Variants in GABRG3 observed in about 807,000 individuals in gnomAD.
GABRG3 encodes the protein gamma-aminobutyric acid receptor subunit gamma-3.
Under a neutral mutation model 48.8 loss-of-function variants are expected in GABRG3, and 25 were observed. That is an observed-to-expected ratio of 0.51 (90% CI 0.37 to 0.72). The LOEUF is 0.72. Among genes scored for constraint, GABRG3 ranks in the 30% least tolerant of loss-of-function variants. The probability of loss-of-function intolerance (pLI) is 0.00; values close to 1 mark genes in which losing one functional copy is unlikely to be tolerated. For missense variants in GABRG3, 394 were observed against 577.9 expected (o/e 0.68, Z 3.26); for synonymous variants, 227 against 217.6 (o/e 1.04, Z -0.38).
At chr15:27,285,850 A>G (rs1891591905) in intron 3 of GABRG3, among the ~76,000 whole-genome samples, 1 of 152,144 alleles carries the variant, frequency 6.6e-6, no homozygotes, top group South Asian at 2.1e-4. Context: ...GCAGACCTCC[A>G]CCTTACTTCT....
intron 3 of GABRG3, among the ~76,000 whole-genome samples, chr15:27,183,109 A>T (rs539116534): frequency 1.3e-5 from 2 of 152,094 alleles, no homozygotes; most frequent in East Asian, 3.9e-4. Context: ...TTTACAGATG[A>T]CTTTTTTTTT....
intron 3 of GABRG3, among the ~76,000 whole-genome samples, chr15:27,114,256 TC>T (rs1271994991): frequency 6.6e-6 from 1 of 152,202 alleles, no homozygotes; most frequent in Non-Finnish European, 1.5e-5. Context: ...GCTTTCCAGA[TC>T]CCCTGGGGGT....
At chr15:27,037,411 C>G (rs1190862276) in intron 3 of GABRG3, among the ~76,000 whole-genome samples, 2 of 152,136 alleles carry the variant, frequency 1.3e-5, no homozygotes, top group African/African-American at 2.4e-5. Flanking sequence ...CTGAGAGGGT[C>G]GACTGGCTAA....
chr15:27,243,024 T>C (rs369170081), intron 3 of GABRG3, among the ~76,000 whole-genome samples: 1 of 152,190 alleles, frequency 6.6e-6, no homozygotes. Flanking sequence ...AAATCCAAGG[T>C]GGGGTGTATG....
At chr15:27,309,855 A>C (rs190868561) in intron 3 of GABRG3, among the ~76,000 whole-genome samples, 3 of 152,086 alleles carry the variant, frequency 2.0e-5, no homozygotes, top group Admixed American at 2.0e-4. Context: ...CCACATAAAA[A>C]CCTGTACATT....
chr15:27,192,315 A>G (rs1183396372), intron 3 of GABRG3, among the ~76,000 whole-genome samples: 3 of 152,166 alleles, frequency 2.0e-5, no homozygotes, highest in Non-Finnish European at 4.4e-5. Flanking sequence ...TATTCTGCAG[A>G]GTGTTTTCCA....
intron 3 of GABRG3, among the ~76,000 whole-genome samples, chr15:27,277,708 A>G (rs1164675536): frequency 6.6e-6 from 1 of 152,206 alleles, no homozygotes; most frequent in African/African-American, 2.4e-5. Flanking sequence ...AAAGATTACA[A>G]AAGACTTTGA....
chr15:27,362,992 T>A (rs756275250), intron 5 of GABRG3: 1 of 152,196 alleles, frequency 6.6e-6, no homozygotes, highest in Non-Finnish European at 1.5e-5. Context: ...TAAATTGATA[T>A]AAATTATAGA....
At chr15:27,084,355 C>G (rs1203146250) in intron 3 of GABRG3, among the ~76,000 whole-genome samples, 2 of 152,148 alleles carry the variant, frequency 1.3e-5, no homozygotes, top group Non-Finnish European at 2.9e-5. Flanking sequence ...AGACAAAATT[C>G]TTAGTGTGTG....
chr15:27,525,879 G>A (rs1891264580), intron 7 of GABRG3, among the ~76,000 whole-genome samples: 1 of 152,010 alleles, frequency 6.6e-6, no homozygotes. Context: ...TGGGTTGATA[G>A]GTGCAGCAAA....
intron 7 of GABRG3, among the ~76,000 whole-genome samples, chr15:27,522,748 A>G (rs186404422): frequency 7.8e-4 from 119 of 152,030 alleles, no homozygotes; most frequent in African/African-American, 2.5e-3. Flanking sequence ...GGTAAATTCA[A>G]CAGAAAGACA....
chr15:27,003,201 A>ATATTTATT (rs199745733), intron 2 of GABRG3, among the ~76,000 whole-genome samples: 18,612 of 138,956 alleles, frequency 0.13, 1,447 homozygotes, highest in Non-Finnish European at 0.18. Context: ...TTTTTATTTT[A>ATATTTATT]TATTTATTTA....
At chr15:27,426,069 G>A (rs1566835573) in intron 5 of GABRG3, among the ~76,000 whole-genome samples, 1 of 152,158 alleles carries the variant, frequency 6.6e-6, no homozygotes, top group Non-Finnish European at 1.5e-5. Context: ...CAAATACTCA[G>A]ATATACCTGA....
chr15:27,420,979 C>G (rs1888095725), intron 5 of GABRG3, among the ~76,000 whole-genome samples: 1 of 152,142 alleles, frequency 6.6e-6, no homozygotes, highest in African/African-American at 2.4e-5. Flanking sequence ...TTTTGTGCCA[C>G]TCGAATTTAA....
intron 6 of GABRG3, among the ~76,000 whole-genome samples, chr15:27,508,064 C>G (rs1004190038): frequency 3.9e-5 from 6 of 152,118 alleles, no homozygotes; most frequent in African/African-American, 1.4e-4. Context: ...CTTAAAGTGG[C>G]TTTTATGCAG....
intron 5 of GABRG3, among the ~76,000 whole-genome samples, chr15:27,348,792 A>G (rs36168201): frequency 0.35 from 53,947 of 152,164 alleles, 11,562 homozygotes; most frequent in African/African-American, 0.59. Flanking sequence ...TGGACACACA[A>G]GAATAGTGGC....
chr15:27,146,602 G>T (rs1434252039), intron 3 of GABRG3, among the ~76,000 whole-genome samples: 1 of 152,038 alleles, frequency 6.6e-6, no homozygotes, highest in African/African-American at 2.4e-5. Flanking sequence ...ATTCTCTGTT[G>T]ATGGACATCA....
At chr15:27,123,719 C>G (rs1897770739) in intron 3 of GABRG3, among the ~76,000 whole-genome samples, 1 of 152,110 alleles carries the variant, frequency 6.6e-6, no homozygotes. Context: ...AAAATGACTC[C>G]CATTCCAGCC....
intron 3 of GABRG3, among the ~76,000 whole-genome samples, chr15:27,051,017 G>A (rs188012781): frequency 1.4e-4 from 21 of 152,302 alleles, no homozygotes; most frequent in African/African-American, 4.8e-4. Flanking sequence ...GTTAGCTGTA[G>A]CACATAAAAG....
Sources: gnomAD v4.1 joint callset for allele counts (sites outside exome capture counted in the v4.1 genomes callset) on GRCh38, gnomAD v4.1.1 for gene constraint, MANE v1.5 for transcripts, NCBI Gene and HGNC (gene_info 2026-07-23, HGNC 2026-07-21) for gene names.